ADORA2B: variants seen among roughly 807,000 people sequenced by gnomAD.
ADORA2B encodes the protein adenosine receptor A2b.
ADORA2B carries 18 observed loss-of-function variants against 20.8 expected under a neutral mutation model. That is an observed-to-expected ratio of 0.87 (90% CI 0.60 to 1.29). The LOEUF is 1.29. Ranked by LOEUF, ADORA2B falls within the 50% of genes most tolerant of loss-of-function variation. ADORA2B has a pLI of 0.00. For synonymous variants in ADORA2B, 179 were observed against 178.3 expected, an observed-to-expected ratio of 1.00 and a Z score of -0.03; for missense variants, 441 against 422.7, an observed-to-expected ratio of 1.04 and a Z score of -0.38.
At chr17:15,892,103 C>T in the ADORA2B span, among the ~76,000 whole-genome samples, 1 of 151,064 alleles carries the variant, frequency 6.6e-6, no homozygotes, top group Non-Finnish European at 1.5e-5. Context: ...TCAGGTGATC[C>T]GTCCACCCCT....
At chr17:15,861,758 C>T in the ADORA2B span, among the ~76,000 whole-genome samples, 1 of 152,222 alleles carries the variant, frequency 6.6e-6, no homozygotes, top group African/African-American at 2.4e-5. Context: ...TTCAGTGCCC[C>T]TGGTCACCCA....
At chr17:15,887,174 T>C in the ADORA2B span, among the ~76,000 whole-genome samples, 5 of 130,408 alleles carry the variant, frequency 3.8e-5, no homozygotes, top group South Asian at 1.1e-3. Flanking sequence ...TGAACATCTC[T>C]GGGACGCAGC....
the ADORA2B span, among the ~76,000 whole-genome samples, chr17:15,925,733 G>T: frequency 6.6e-6 from 1 of 152,176 alleles, no homozygotes; most frequent in Non-Finnish European, 1.5e-5. Flanking sequence ...ACTTTGGGAG[G>T]CCGAGGCGGG....
the ADORA2B span, among the ~76,000 whole-genome samples, chr17:15,882,709 A>T: frequency 8.5e-5 from 13 of 152,224 alleles, no homozygotes; most frequent in Admixed American, 7.2e-4. Flanking sequence ...ACTAGATGTC[A>T]TGCCAGCTTT....
chr17:15,951,233 T>C (rs1317168731), intron 1 of ADORA2B, among the ~76,000 whole-genome samples: 2 of 152,164 alleles, frequency 1.3e-5, no homozygotes, highest in Non-Finnish European at 2.9e-5. Flanking sequence ...ACATCTCTCA[T>C]GGGCCTAAGG....
chr17:15,912,593 G>C, the ADORA2B span, among the ~76,000 whole-genome samples: 1 of 152,216 alleles, frequency 6.6e-6, no homozygotes, highest in African/African-American at 2.4e-5. Flanking sequence ...TGGGCTGTCA[G>C]GTGACAAGAG....
rs1044468773 is a variant in ADORA2B at position 15,964,107 on chromosome 17, G to A, written c.336-10572G>A. Among the ~76,000 whole-genome samples the A allele has an allele frequency of 1.2e-4, 18 of 152,352 alleles. 1 individual carries two copies. Among genetic ancestry groups the A allele is most frequent in the Non-Finnish European group, 1.6e-4 (11 of 68,024 alleles). On this transcript the variant is annotated intron_variant, in intron 1 of 1. Coordinates refer to ENST00000304222, the MANE Select transcript of ADORA2B (RefSeq NM_000676.4). ...TCAGACTGGCCTGCAGGCTACAGCC[G>A]TGCCCATCTGCAGAGATAAGGTGGT... is the stretch of plus-strand genomic sequence containing the variant.
the ADORA2B span, among the ~76,000 whole-genome samples, chr17:15,909,974 G>A: frequency 1.4e-4 from 22 of 152,334 alleles, no homozygotes; most frequent in African/African-American, 5.1e-4. Flanking sequence ...CCATCTGGTG[G>A]CTCTGCCGTG....
the ADORA2B span, among the ~76,000 whole-genome samples, chr17:15,874,209 G>A: frequency 6.6e-6 from 1 of 151,688 alleles, no homozygotes; most frequent in African/African-American, 2.4e-5. Flanking sequence ...TCTAAATGAA[G>A]TAACACAGGA....
intron 1 of ADORA2B, among the ~76,000 whole-genome samples, chr17:15,968,790 C>T (rs769588185): frequency 6.6e-6 from 1 of 152,100 alleles, no homozygotes; most frequent in Non-Finnish European, 1.5e-5. Flanking sequence ...CCTCAGGAGG[C>T]GTGGTTTGAT....
At chr17:15,863,670 A>G in the ADORA2B span, among the ~76,000 whole-genome samples, 2 of 152,174 alleles carry the variant, frequency 1.3e-5, no homozygotes, top group South Asian at 2.1e-4. Context: ...TACCTTTTAA[A>G]TGTTATTTAG....
At chr17:15,956,129 C>A (rs532174470) in intron 1 of ADORA2B, among the ~76,000 whole-genome samples, 1 of 152,220 alleles carries the variant, frequency 6.6e-6, no homozygotes, top group South Asian at 2.1e-4. Flanking sequence ...TTCCTTTGTT[C>A]TTCTATTTTT....
At chr17:15,964,877 C>G (rs144428850) in intron 1 of ADORA2B, among the ~76,000 whole-genome samples, 5 of 151,812 alleles carry the variant, frequency 3.3e-5, no homozygotes, top group Admixed American at 1.3e-4. Context: ...CTGGCTAACA[C>G]GGTGAAACCC....
At chr17:15,870,591 T>A in the ADORA2B span, among the ~76,000 whole-genome samples, 2 of 110,802 alleles carry the variant, frequency 1.8e-5, no homozygotes, top group African/African-American at 5.9e-5. Context: ...CCATCCTGGA[T>A]GACAAGAGTG....
At chr17:15,945,069 C>G, upstream of ADORA2B, 1 of 421,168 alleles carries the variant, frequency 2.4e-6, no homozygotes, top group Non-Finnish European at 3.8e-6. Context: ...GGTGCCGCCT[C>G]TTGGCCGCGG....
chr17:15,936,064 A>G, the ADORA2B span, among the ~76,000 whole-genome samples: 3 of 151,380 alleles, frequency 2.0e-5, no homozygotes, highest in Admixed American at 2.0e-4. Context: ...TTTAGTAGAG[A>G]CGGGGTTTCA....
At chr17:15,926,958 AAGACCC>A in the ADORA2B span, among the ~76,000 whole-genome samples, 2 of 152,156 alleles carry the variant, frequency 1.3e-5, no homozygotes. Context: ...GCAGCAGAGC[AAGACCC>A]TGTCTCAAAA....
the ADORA2B span, among the ~76,000 whole-genome samples, chr17:15,869,551 G>T: frequency 2.0e-3 from 305 of 152,200 alleles, 1 homozygote; most frequent in African/African-American, 6.9e-3. Flanking sequence ...AAGTATTGTG[G>T]CTAATAATTA....
the ADORA2B span, among the ~76,000 whole-genome samples, chr17:15,937,598 G>GT: frequency 6.7e-6 from 1 of 150,312 alleles, no homozygotes; most frequent in East Asian, 1.9e-4. Context: ...TTTTAATGGA[G>GT]TTTCGCTCTT....
Sources: gnomAD v4.1 joint callset for allele counts (sites outside exome capture counted in the v4.1 genomes callset) on GRCh38, gnomAD v4.1.1 for gene constraint, MANE v1.5 for transcripts, NCBI Gene and HGNC (gene_info 2026-07-23, HGNC 2026-07-21) for gene names.